The following LPIN1 variants were observed in gnomAD, a reference collection of about 807,000 sequenced individuals.
LPIN1 encodes phosphatidate phosphatase LPIN1.
In LPIN1, 71 loss-of-function variants were observed where a neutral mutation model predicts 107.5. The ratio of observed to expected loss-of-function variants is 0.66; its 90% CI spans 0.55 to 0.80. The LOEUF is 0.80. Among genes scored for constraint, LPIN1 ranks in the 30% least tolerant of loss-of-function variants. The probability of loss-of-function intolerance (pLI) is 0.00; values close to 1 mark genes in which losing one functional copy is unlikely to be tolerated. For missense variants in LPIN1, 1,043 were observed against 1,160.6 expected (o/e 0.90, Z 1.47); for synonymous variants, 445 against 452.6 (o/e 0.98, Z 0.21).
At chr2:11,719,778 T>A (rs1663996685), upstream of LPIN1, among the ~76,000 whole-genome samples, 1 of 143,826 alleles carries the variant, frequency 7.0e-6, no homozygotes, top group Non-Finnish European at 1.5e-5. Context: ...GTGGCTGTTA[T>A]AACCAATTGC....
At position 11,765,305 on chromosome 2, in the gene LPIN1, A is replaced by T. The variant is rs1437531963; in HGVS notation, c.-9-228A>T. Among the ~76,000 whole-genome samples the T allele has an allele frequency of 6.6e-6, 1 of 151,870 alleles. No homozygotes were observed. The highest frequency in any genetic ancestry group is 1.5e-5 in the Non-Finnish European group (1 of 67,972). On this transcript the variant is annotated intron_variant, in intron 1 of 20. Coordinates refer to ENST00000674199, the MANE Select transcript of LPIN1 (RefSeq NM_001349206.2). This position sits in a 1 kb window ranked among gnomAD's most constrained non-coding sequence, Gnocchi z 4.4. ...CCCTGATGGGCTGTGATGGGCCGTG[A>T]TGGACCCTGATGGGCCATGATGGAC...
intron 9 of LPIN1, chr2:11,784,302 TCA>T: frequency 3.8e-5 from 6 of 158,502 alleles, no homozygotes; most frequent in South Asian, 1.5e-4. Flanking sequence ...AGACTCCATC[TCA>T]AAAAAAAAAA....
chr2:11,784,685 T>C, intron 9 of LPIN1: 1 of 649,900 alleles, frequency 1.5e-6, no homozygotes. Context: ...TGCAGCCAGC[T>C]GAGAAGTAAT....
chr2:11,789,563 CGTGTGTGTGTGCGT>C (rs201454750), intron 12 of LPIN1, among the ~76,000 whole-genome samples: 3 of 147,186 alleles, frequency 2.0e-5, no homozygotes, highest in East Asian at 2.0e-4. Context: ...TGGATGTGCA[CGTGTGTGTGTGCGT>C]GTGTGTGTGT....
chr2:11,767,882 G>T (rs375861378), intron 3 of LPIN1, 24 bp downstream of exon 3: 7 of 1,439,736 alleles, frequency 4.9e-6, no homozygotes, highest in African/African-American at 2.8e-5. Flanking sequence ...GGTGGTCAGG[G>T]TTACTTCCTA....
chr2:11,773,217 G>T (rs1010804373), intron 4 of LPIN1, among the ~76,000 whole-genome samples: 1 of 152,226 alleles, frequency 6.6e-6, no homozygotes, highest in South Asian at 2.1e-4. Flanking sequence ...TGGTCATTGA[G>T]TTATTCAGCA....
chr2:11,800,377 C>T (rs1223359355), intron 14 of LPIN1, among the ~76,000 whole-genome samples: 2 of 152,116 alleles, frequency 1.3e-5, no homozygotes, highest in African/African-American at 2.4e-5. Context: ...TCATGTCTCC[C>T]CAGTATTGGG....
chr2:11,750,324 G>A (rs942305335), intron 1 of LPIN1, among the ~76,000 whole-genome samples: 1 of 152,230 alleles, frequency 6.6e-6, no homozygotes, highest in African/African-American at 2.4e-5. Context: ...ATTGGACTCT[G>A]TGCAATGCCA....
chr2:11,797,413 C>T (rs1400354854), intron 14 of LPIN1, among the ~76,000 whole-genome samples: 1 of 152,226 alleles, frequency 6.6e-6, no homozygotes, highest in Non-Finnish European at 1.5e-5. Flanking sequence ...GGAGGACATG[C>T]GTTCAATCCC....
At chr2:11,799,219 T>A (rs923718127) in intron 14 of LPIN1, among the ~76,000 whole-genome samples, 1 of 152,158 alleles carries the variant, frequency 6.6e-6, no homozygotes, top group East Asian at 1.9e-4. Context: ...TCTGTGTTCC[T>A]TCAAACATGG....
intron 18 of LPIN1, chr2:11,816,175 C>T (rs1399448479): frequency 6.6e-6 from 1 of 152,150 alleles, no homozygotes; most frequent in African/African-American, 2.4e-5. Context: ...CTGTAGGTAC[C>T]TTTTCCATCA....
intron 2 of LPIN1, among the ~76,000 whole-genome samples, chr2:11,716,363 G>A (rs1287218207): frequency 1.3e-5 from 2 of 151,984 alleles, no homozygotes; most frequent in Non-Finnish European, 2.9e-5. Flanking sequence ...AGGGCAATAG[G>A]GGCGAAAGTA....
Position 11,814,951 on chromosome 2 carries a change from G to C in LPIN1, c.2250-137G>C, listed in dbSNP as rs1032626971. 37 of 781,182 alleles carry C rather than the reference G, an allele frequency of 4.7e-5. No homozygotes were observed. The South Asian group carries it at 5.3e-4, about 11-fold the overall frequency. 48.4% of individuals were successfully genotyped at this position (781,182 alleles called of 1,614,324 possible). ...ATTTCTCAATTGCAAGCAAGATTTT[G>C]TAGAATGTGGACTTTTGTATGTGGG... is the stretch of plus-strand genomic sequence containing the variant. On this transcript the variant is annotated intron_variant, in intron 17 of 20. Transcript: ENST00000674199.
In LPIN1 at chr2:11,765,565, C is replaced by G. The variant is rs752905024; in HGVS notation, c.24C>G (p.Ala8=). 6.2e-7 allele frequency: 1 copy of G among 1,613,928 alleles called. No homozygotes were observed. The highest frequency in any genetic ancestry group is 8.5e-7 in the Non-Finnish European group (1 of 1,179,874). Residue 8 remains alanine, a synonymous_variant, in exon 2 of 21, where the codon GCC becomes GCG. Transcript: ENST00000674199. The surrounding 1 kb of genome is among the most constrained non-coding windows in gnomAD (Gnocchi z 4.4). MNYVGQL[A]GQVFVTVKEL... is the part of the protein sequence containing the mutation. ...CCATGAATTACGTGGGGCAGTTAGC[C>G]GGCCAGGTGTTTGTCACCGTGAAGG...
rs201605162 is a variant in LPIN1, at chr2:11,690,274, A to AT, written c.81+12555dup. 4.2e-3 allele frequency among the ~76,000 whole-genome samples: 632 copies of AT among 150,934 alleles called. 2 individuals carry two copies. Among genetic ancestry groups the AT allele is most frequent in the African/African-American group, 0.012 (497 of 41,204 alleles). On this transcript the variant is annotated intron_variant, in intron 1 of 21. Coordinates refer to the LPIN1 transcript ENST00000449576. The stretch of plus-strand genomic sequence containing the variant: ...TTAGTTTTTGTTTATCTGAAAATGT[A>AT]TTTTTTTTTGCACTTTCTTTTCTTG...
rs1211575938 is a variant in LPIN1, at chr2:11,765,209, G to C, written c.-9-324G>C. ...GATGGGCTGTGATGGTCCGTGATGG[G>C]CCATGATGGACACTGATGGGCCATG... On this transcript the variant is annotated intron_variant, in intron 1 of 20. Coordinates refer to ENST00000674199, the MANE Select transcript of LPIN1 (RefSeq NM_001349206.2). The surrounding 1 kb of genome is among the most constrained non-coding windows in gnomAD (Gnocchi z 4.4). Among the ~76,000 whole-genome samples the C allele has an allele frequency of 1.3e-5, 2 of 151,870 alleles. No homozygotes were observed. Among genetic ancestry groups the C allele is most frequent in the Non-Finnish European group, 2.9e-5 (2 of 67,960 alleles).
intron 1 of LPIN1, among the ~76,000 whole-genome samples, chr2:11,725,001 A>G (rs116731399): frequency 0.04 from 6,061 of 152,256 alleles, 218 homozygotes; most frequent in African/African-American, 0.094. Flanking sequence ...GGTGGCTCAC[A>G]CCTGTAACCC....
chr2:11,761,163 G>A (rs1005836830), intron 1 of LPIN1, among the ~76,000 whole-genome samples: 3 of 147,636 alleles, frequency 2.0e-5, no homozygotes, highest in African/African-American at 5.4e-5. Flanking sequence ...CTGCTTGCAC[G>A]TAGTTTTAGA....
At chr2:11,722,800 G>A (rs1361883876), upstream of LPIN1, among the ~76,000 whole-genome samples, 1 of 152,182 alleles carries the variant, frequency 6.6e-6, no homozygotes, top group Non-Finnish European at 1.5e-5. Flanking sequence ...AGGAAGATCT[G>A]AAAATACTAC....
Sources: allele counts gnomAD v4.1 joint callset (sites outside exome capture counted in the v4.1 genomes callset), GRCh38; gene constraint gnomAD v4.1.1; non-coding constraint Gnocchi (gnomAD v3.1); transcripts MANE v1.5; gene names NCBI Gene and HGNC (gene_info 2026-07-23, HGNC 2026-07-21).